Variants in NAALADL2 observed in about 807,000 individuals in gnomAD.
The protein encoded by NAALADL2 is inactive N-acetylated-alpha-linked acidic dipeptidase-like protein 2.
A neutral mutation model predicts 87.2 loss-of-function variants in NAALADL2; 76 were observed. The ratio of observed to expected loss-of-function variants is 0.87; its 90% CI spans 0.72 to 1.05. The LOEUF (loss-of-function observed/expected upper bound fraction) is 1.05. Ranked by LOEUF, NAALADL2 falls within the 50% of genes least tolerant of loss-of-function variation. The pLI, the probability that NAALADL2 is intolerant of heterozygous loss-of-function variation, is 0.00. For missense variants in NAALADL2, 1,089 were observed against 945.8 expected, an observed-to-expected ratio of 1.15 and a Z score of -1.99; for synonymous variants, 354 against 331.0, an observed-to-expected ratio of 1.07 and a Z score of -0.75.
chr3:174,934,101 G>A (rs1737310133), intron 1 of NAALADL2, among the ~76,000 whole-genome samples: 1 of 152,100 alleles, frequency 6.6e-6, no homozygotes. Flanking sequence ...TTGGAACAAT[G>A]AAGGATTCAT....
chr3:174,914,520 C>T (rs1312776811), intron 1 of NAALADL2, among the ~76,000 whole-genome samples: 1 of 151,888 alleles, frequency 6.6e-6, no homozygotes, highest in African/African-American at 2.4e-5. Context: ...TTATTTGAGC[C>T]CCATTTTCCT....
At chr3:174,571,279 T>A (rs1714885568) in intron 2 of NAALADL2, among the ~76,000 whole-genome samples, 1 of 151,984 alleles carries the variant, frequency 6.6e-6, no homozygotes, top group Non-Finnish European at 1.5e-5. Flanking sequence ...AAATCTTTCG[T>A]TTTTTTAGTG....
chr3:175,676,513 G>A (rs1197494693), intron 11 of NAALADL2: 2 of 152,190 alleles, frequency 1.3e-5, no homozygotes, highest in Non-Finnish European at 2.9e-5. Context: ...GATACGTACA[G>A]AGTTGTTTTC....
chr3:175,184,430 T>C (rs1737035533), intron 2 of NAALADL2, among the ~76,000 whole-genome samples: 2 of 152,108 alleles, frequency 1.3e-5, no homozygotes, highest in African/African-American at 4.8e-5. Flanking sequence ...TTTAGCAGTG[T>C]TGTGACTATT....
At chr3:175,275,690 T>C (rs1236868694) in intron 4 of NAALADL2, among the ~76,000 whole-genome samples, 1 of 152,068 alleles carries the variant, frequency 6.6e-6, no homozygotes, top group African/African-American at 2.4e-5. Flanking sequence ...TTATGCATAT[T>C]AGTAAGAGCT....
chr3:175,513,341 A>G (rs1444184603), intron 9 of NAALADL2, among the ~76,000 whole-genome samples: 1 of 152,218 alleles, frequency 6.6e-6, no homozygotes, highest in African/African-American at 2.4e-5. Context: ...AAAATGAGAC[A>G]TTGAGTTCCT....
intron 3 of NAALADL2, among the ~76,000 whole-genome samples, chr3:174,751,970 TTTTTTC>T (rs1390685935): frequency 2.0e-4 from 30 of 152,050 alleles, no homozygotes; most frequent in African/African-American, 2.4e-5. Context: ...TTTCTTTTAT[TTTTTTC>T]TTTTTCTTTT....
At chr3:174,702,454 A>G (rs946964607) in intron 2 of NAALADL2, among the ~76,000 whole-genome samples, 3 of 152,172 alleles carry the variant, frequency 2.0e-5, no homozygotes, top group Admixed American at 1.3e-4. Flanking sequence ...CCTGCTCTCA[A>G]TCAGCAGGTA....
chr3:175,185,733 GC>G (rs1348393293), intron 2 of NAALADL2, among the ~76,000 whole-genome samples: 2 of 150,060 alleles, frequency 1.3e-5, no homozygotes, highest in Non-Finnish European at 3.0e-5. Flanking sequence ...AATTGTATAA[GC>G]TTTTTTATAT....
intron 1 of NAALADL2, among the ~76,000 whole-genome samples, chr3:174,471,894 A>T (rs545166388): frequency 6.6e-6 from 1 of 152,320 alleles, no homozygotes; most frequent in African/African-American, 2.4e-5. Flanking sequence ...AAAAAATTAA[A>T]TTAAAATATG....
chr3:175,390,452 C>T (rs756466709), intron 5 of NAALADL2, among the ~76,000 whole-genome samples: 5 of 152,098 alleles, frequency 3.3e-5, no homozygotes, highest in Admixed American at 1.3e-4. Flanking sequence ...GTGAAACTAC[C>T]GTGTACATAA....
intron 2 of NAALADL2, among the ~76,000 whole-genome samples, chr3:175,129,300 G>T (rs1332431304): frequency 6.6e-6 from 1 of 152,100 alleles, no homozygotes; most frequent in Non-Finnish European, 1.5e-5. Flanking sequence ...TTGTGTGTGT[G>T]TGTGTGGTGA....
intron 3 of NAALADL2, among the ~76,000 whole-genome samples, chr3:174,810,466 C>T (rs1473652413): frequency 6.6e-6 from 1 of 151,980 alleles, no homozygotes; most frequent in Admixed American, 6.6e-5. Flanking sequence ...TTGGATAGTG[C>T]CTCTGCCCTA....
Position 175,324,174 on chromosome 3 carries a change from G to C in NAALADL2, c.940-1G>C. The C allele has an allele frequency of 6.2e-7, 1 of 1,612,258 alleles. No individual in the cohort carries two copies. Among genetic ancestry groups the C allele is most frequent in the African/African-American group, 1.3e-5 (1 of 74,930 alleles). On this transcript the variant is annotated splice_acceptor_variant, in intron 4 of 13. Transcript: ENST00000454872. LOFTEE classifies it high-confidence loss of function. ...TTTAATAGCTTGCTTCCCTCTTTTAGCTTTCCTCATTGGAAAAGGCTGGAT... is the reference window on the plus strand; with the variant it reads ...TTTAATAGCTTGCTTCCCTCTTTTACCTTTCCTCATTGGAAAAGGCTGGAT...
chr3:174,609,255 A>T lies in NAALADL2; in HGVS notation c.-115+58618A>T, dbSNP rs1719500220. The stretch of plus-strand genomic sequence containing the variant: ...AGCATTCCCTTTGAAAACTGGCACA[A>T]GACAGGGATGCCCTCTCTCACCACT... On this transcript the variant is annotated intron_variant, in intron 2 of 3. Coordinates refer to the NAALADL2 transcript ENST00000434257. Among the ~76,000 whole-genome samples the T allele has an allele frequency of 2.0e-5, 3 of 152,168 alleles. No individual in the cohort carries two copies. In the South Asian group the frequency reaches 6.2e-4, roughly 31 times the overall value.
intron 1 of NAALADL2, among the ~76,000 whole-genome samples, chr3:174,957,581 T>C (rs1482617133): frequency 2.6e-5 from 4 of 151,920 alleles, no homozygotes; most frequent in Non-Finnish European, 5.9e-5. Context: ...ATAGAAAAAG[T>C]TTTAAACTGT....
At chr3:175,352,519 A>G (rs1185129783) in intron 5 of NAALADL2, among the ~76,000 whole-genome samples, 1 of 152,190 alleles carries the variant, frequency 6.6e-6, no homozygotes, top group Non-Finnish European at 1.5e-5. Flanking sequence ...GGTGAGGCCT[A>G]TCAAATCTTC....
chr3:175,126,587 G>A (rs1726993586), intron 2 of NAALADL2, among the ~76,000 whole-genome samples: 1 of 152,060 alleles, frequency 6.6e-6, no homozygotes, highest in South Asian at 2.1e-4. Flanking sequence ...GAGAACAGGT[G>A]TTAGAATTAT....
intron 1 of NAALADL2, among the ~76,000 whole-genome samples, chr3:174,538,793 C>T (rs1441875939): frequency 1.3e-5 from 2 of 152,100 alleles, no homozygotes; most frequent in East Asian, 3.9e-4. Context: ...AACCAATTAC[C>T]AATCAGGAAA....
Sources: gnomAD v4.1 joint callset for allele counts (sites outside exome capture counted in the v4.1 genomes callset) on GRCh38, gnomAD v4.1.1 for gene constraint, MANE v1.5 for transcripts, NCBI Gene and HGNC (gene_info 2026-07-23, HGNC 2026-07-21) for gene names.